Variants in FCHO1 observed in about 807,000 individuals in gnomAD.
FCHO1 encodes F-BAR domain only protein 1.
In FCHO1, 45 loss-of-function variants were observed where a neutral mutation model predicts 114.4. The ratio of observed to expected loss-of-function variants is 0.39; its 90% CI spans 0.31 to 0.50. FCHO1 has a LOEUF of 0.50. FCHO1 is among the 20% of genes least tolerant of loss of function. The probability of loss-of-function intolerance (pLI) is 0.77; values close to 1 mark genes in which losing one functional copy is unlikely to be tolerated. For missense variants in FCHO1, 1,042 were observed against 1,209.6 expected (o/e 0.86, Z 2.06); for synonymous variants, 480 against 488.9 (o/e 0.98, Z 0.24).
intron 20 of FCHO1, 45 bp downstream of exon 20, chr19:17,778,929 C>T (rs768509086): frequency 1.8e-5 from 27 of 1,480,952 alleles, no homozygotes; most frequent in Admixed American, 2.4e-5. Flanking sequence ...GAACCCTGGG[C>T]GGGGGATTGA....
chr19:17,767,563 TAAAAAAAAA>T (rs34862065), intron 7 of FCHO1, among the ~76,000 whole-genome samples: 2 of 114,328 alleles, frequency 1.7e-5, no homozygotes, highest in Non-Finnish European at 3.4e-5. Flanking sequence ...AAAGACTGTC[TAAAAAAAAA>T]AAAAAAAAAA....
At position 17,775,450 on chromosome 19, in the gene FCHO1, C is replaced by T. The variant is rs749623754; in HGVS notation, c.946-6C>T. The T allele has an allele frequency of 1.2e-6, 2 of 1,613,758 alleles. No individual in the cohort carries two copies. The highest frequency in any genetic ancestry group is 3.3e-5 in the Admixed American group (2 of 59,994). Reference sequence around the variant, plus strand: ...CTGACTCACTGCTGCCCCCTGACTCCCCTAGACATGTCCAGAGGTGGATGA... The same window carrying T: ...CTGACTCACTGCTGCCCCCTGACTCTCCTAGACATGTCCAGAGGTGGATGA... On this transcript the variant is annotated splice_region_variant and splice_polypyrimidine_tract_variant and intron_variant, in intron 14 of 28. Transcript: ENST00000596536. The surrounding 1 kb of genome is among the most constrained non-coding windows in gnomAD (Gnocchi z 5.1).
chr19:17,762,675 A>G, intron 4 of FCHO1, 87 bp from the exon 5 acceptor site: 1 of 937,772 alleles, frequency 1.1e-6, no homozygotes. Context: ...AAGGGGATGG[A>G]CTTCTGCTCC....
At chr19:17,785,442 C>G (rs1261076804) in intron 26 of FCHO1, among the ~76,000 whole-genome samples, 2 of 152,020 alleles carry the variant, frequency 1.3e-5, no homozygotes, top group African/African-American at 4.8e-5. Context: ...AGGCTTGTCT[C>G]GAACTGCTGA....
chr19:17,784,693 T>C lies in FCHO1; in HGVS notation c.2227-32T>C, dbSNP rs748876356. On this transcript the variant is annotated intron_variant, in intron 25 of 28. Transcript: ENST00000596536. This position sits in a 1 kb window ranked among gnomAD's most constrained non-coding sequence, Gnocchi z 5.3. ...TGTGGCAAGACAGGATGGCCCAAGC[T>C]GTGTCCTCTCTCTCATTCTCATTCT... is the stretch of plus-strand genomic sequence containing the variant. The C allele has an allele frequency of 3.0e-5, 48 of 1,605,824 alleles. No homozygotes were observed. The highest frequency in any genetic ancestry group is 3.9e-5 in the Non-Finnish European group (46 of 1,173,138).
intron 3 of FCHO1, chr19:17,754,898 G>A: frequency 2.0e-6 from 1 of 498,524 alleles, no homozygotes; most frequent in Admixed American, 3.3e-5. Flanking sequence ...CTGACTCTGT[G>A]GAATTGGGGG....
intron 4 of FCHO1, among the ~76,000 whole-genome samples, chr19:17,757,911 G>A (rs1164132421): frequency 6.4e-5 from 7 of 109,244 alleles, no homozygotes; most frequent in Admixed American, 1.1e-4. Context: ...GCAAGACCCT[G>A]TCTCAAAAAA....
chr19:17,783,879 C>A (rs2093646420), intron 24 of FCHO1, among the ~76,000 whole-genome samples: 1 of 152,232 alleles, frequency 6.6e-6, no homozygotes, highest in Admixed American at 6.5e-5. Flanking sequence ...CCACACCCAG[C>A]CACCTCCTGG....
intron 6 of FCHO1, among the ~76,000 whole-genome samples, chr19:17,764,849 G>A (rs767740676): frequency 1.3e-5 from 2 of 151,714 alleles, no homozygotes; most frequent in Admixed American, 6.6e-5. Flanking sequence ...GCGGATCACC[G>A]GAGGTCAGGA....
At chr19:17,779,759 G>A (rs1303929679) in intron 20 of FCHO1, among the ~76,000 whole-genome samples, 2 of 149,704 alleles carry the variant, frequency 1.3e-5, no homozygotes, top group Non-Finnish European at 3.0e-5. Context: ...TGGAGTCAGG[G>A]AGGGGTGGGG....
chr19:17,753,381 AC>A (rs2082488517), intron 1 of FCHO1, among the ~76,000 whole-genome samples: 1 of 151,868 alleles, frequency 6.6e-6, no homozygotes, highest in African/African-American at 2.4e-5. Context: ...TGCCCAGTGA[AC>A]TCCTATTCAT....
intron 1 of FCHO1, 75 bp from the exon 2 acceptor site, chr19:17,754,242 G>GA (rs2082771273): frequency 6.6e-6 from 1 of 152,294 alleles, no homozygotes; most frequent in African/African-American, 2.4e-5. Flanking sequence ...CGGGCGGCCT[G>GA]ACCCAGCCTC....
chr19:17,770,730 G>C, intron 8 of FCHO1, 62 bp from the exon 9 acceptor site: 1 of 1,598,624 alleles, frequency 6.3e-7, no homozygotes, highest in South Asian at 1.1e-5. Context: ...CAGGTGATGG[G>C]GCCTGGGGGA....
At chr19:17,748,155 C>T (rs752273165), upstream of FCHO1, among the ~76,000 whole-genome samples, 1 of 152,212 alleles carries the variant, frequency 6.6e-6, no homozygotes, top group Non-Finnish European at 1.5e-5. Context: ...GGGCGCCGCT[C>T]CCCTTCCAGC....
rs1466357667 is a variant in FCHO1, at chr19:17,772,657, T to G, written c.706T>G (p.Phe236Val). ...HVQIGQVHEE[F>V]KQNIENVSVE... ...CCACCCGGCACAGGTGCATGAGGAA[T>G]TTAAGCAGAACATCGAGAACGTCAG... The change falls in exon 11 of 29, where the codon TTT (phenylalanine) becomes GTT (valine). Residue 236 changes from phenylalanine (F) to valine (V), a missense_variant. Phe to Val is a conservative substitution (Grantham distance 50). Transcript: ENST00000596536. 1.9e-6 allele frequency: 3 copies of G among 1,613,906 alleles called. No individual in the cohort carries two copies. The highest frequency in any genetic ancestry group is 2.5e-6 in the Non-Finnish European group (3 of 1,180,008).
intron 9 of FCHO1, among the ~76,000 whole-genome samples, chr19:17,771,437 G>A (rs1345482567): frequency 6.6e-6 from 1 of 151,568 alleles, no homozygotes; most frequent in Non-Finnish European, 1.5e-5. Flanking sequence ...GGGAGGCCGA[G>A]GCAGGTGGAT....
intron 4 of FCHO1, among the ~76,000 whole-genome samples, chr19:17,757,251 T>C (rs1179964260): frequency 6.6e-6 from 1 of 151,054 alleles, no homozygotes; most frequent in Non-Finnish European, 1.5e-5. Context: ...GTCTAGAAGT[T>C]CTGGTGGGAG....
rs192333018 is a variant in FCHO1, at chr19:17,774,787, C to T, written c.921-269C>T. The T allele has an allele frequency of 6.1e-3, 3,520 of 581,462 alleles. 25 individuals are homozygous for T. The highest frequency in any genetic ancestry group is 0.03 in the Middle Eastern group (65 of 2,202). The allele number at this position is 581,462 out of a possible 1,614,324, so 36.0% of individuals were successfully genotyped here. On this transcript the variant is annotated intron_variant, in intron 13 of 28. Coordinates refer to ENST00000596536, the MANE Select transcript of FCHO1 (RefSeq NM_015122.3). ...TTGTTCTGTTTGCCAAGGCTAGCCC[C>T]GACTTTCCCTATCTTCACAAGGCAG...
At chr19:17,788,122 C>T (rs905972627) in intron 28 of FCHO1, 162 bp from the exon 29 acceptor site, 8 of 719,694 alleles carry the variant, frequency 1.1e-5, no homozygotes, top group Non-Finnish European at 1.8e-5. Flanking sequence ...GTTCTCCTGC[C>T]CCCAACAAGG....
Sources: allele counts gnomAD v4.1 joint callset (sites outside exome capture counted in the v4.1 genomes callset), GRCh38; gene constraint gnomAD v4.1.1; non-coding constraint Gnocchi (gnomAD v3.1); transcripts MANE v1.5; gene names NCBI Gene and HGNC (gene_info 2026-07-23, HGNC 2026-07-21).